PDCD7: variants seen among roughly 807,000 people sequenced by gnomAD.
The protein encoded by PDCD7 is programmed cell death protein 7.
Under a neutral mutation model 42.1 loss-of-function variants are expected in PDCD7, and 40 were observed. The ratio of observed to expected loss-of-function variants is 0.95; its 90% CI spans 0.74 to 1.24. The LOEUF (loss-of-function observed/expected upper bound fraction) is 1.24, where lower values mean the gene tolerates loss of function less well. PDCD7 is among the 50% of genes most tolerant of loss of function. The probability of loss-of-function intolerance (pLI) is 0.00; values close to 1 mark genes in which losing one functional copy is unlikely to be tolerated. For missense variants in PDCD7, 644 were observed against 662.8 expected, an observed-to-expected ratio of 0.97 and a Z score of 0.31; for synonymous variants, 299 against 303.3, an observed-to-expected ratio of 0.99 and a Z score of 0.15.
chr15:65,126,866 CTTAAA>C (rs1054836367), intron 2 of PDCD7, among the ~76,000 whole-genome samples: 1 of 151,668 alleles, frequency 6.6e-6, no homozygotes, highest in Non-Finnish European at 1.5e-5. Flanking sequence ...CTCTGAGTTC[CTTAAA>C]TTATTTATTT....
rs540438610 is a variant in PDCD7, at chr15:65,130,144, C to T, written c.871-974G>A. 7.9e-4 allele frequency among the ~76,000 whole-genome samples: 118 copies of T among 149,732 alleles called. 2 individuals are homozygous for T. The East Asian group carries it at 0.017, about 22-fold the overall frequency. On this transcript the variant is annotated intron_variant, in intron 1 of 4. Transcript: ENST00000204549. ...CAGGAGTGAGCCACTTCGCACCCGCCCCCAACCCTCTTTTTTTTTTTTTTT... is the reference window on the plus strand; with the variant it reads ...CAGGAGTGAGCCACTTCGCACCCGCTCCCAACCCTCTTTTTTTTTTTTTTT...
Position 65,118,635 on chromosome 15 carries a change from G to A in PDCD7, c.*82C>T. 2 of 1,400,980 alleles carry A rather than the reference G, an allele frequency of 1.4e-6. No homozygotes were observed. The highest frequency in any genetic ancestry group is 1.9e-6 in the Non-Finnish European group (2 of 1,044,980). The allele number at this position is 1,400,980 out of a possible 1,614,324, so 86.8% of individuals were successfully genotyped here. A position where few individuals can be genotyped will look rare whatever the true frequency, so the allele number is the denominator to read the frequency against. On this transcript the variant is annotated 3_prime_UTR_variant, in exon 5 of 5. Transcript: ENST00000204549. The stretch of plus-strand genomic sequence containing the variant: ...CATGGAATTTAGAAGTTGCAGTTTA[G>A]TCTACAGCAAAAGATGGCACCATCG...
In PDCD7 at chr15:65,133,465, C is replaced by G; in HGVS notation, c.317G>C (p.Arg106Pro). 1 of 1,212,328 alleles carries G rather than the reference C, an allele frequency of 8.2e-7. No individual in the cohort carries two copies. Among genetic ancestry groups the G allele is most frequent in the Non-Finnish European group, 1.0e-6 (1 of 975,710 alleles). 75.1% of individuals were successfully genotyped at this position (1,212,328 alleles called of 1,614,324 possible). A position where few individuals can be genotyped will look rare whatever the true frequency, so the allele number is the denominator to read the frequency against. ...CGGGCCGGGAGGCGGTGGCCGCGGC[C>G]GCTCGCCGGCGTCGGTCCCCGGGAA... is the stretch of plus-strand genomic sequence containing the variant. ...RPFPGTDAGE[R>P]PRPPPPGPGP... The change falls in exon 1 of 5, where the codon CGG (arginine) becomes CCG (proline). Residue 106 changes from arginine to proline, a missense_variant. Physicochemically the swap from Arg to Pro is moderately radical, Grantham distance 103. Coordinates refer to ENST00000204549, the MANE Select transcript of PDCD7 (RefSeq NM_005707.2).
chr15:65,120,934 T>C (rs977358140), intron 2 of PDCD7, among the ~76,000 whole-genome samples: 6 of 152,158 alleles, frequency 3.9e-5, no homozygotes, highest in Admixed American at 2.6e-4. Context: ...TTAGAAATTT[T>C]ACCCAATCTT....
At chr15:65,127,434 GGC>G (rs2087505516) in intron 2 of PDCD7, among the ~76,000 whole-genome samples, 1 of 149,634 alleles carries the variant, frequency 6.7e-6, no homozygotes, top group Non-Finnish European at 1.5e-5. Context: ...TCCGCAGTCC[GGC>G]CTGGGCGACA....
chr15:65,128,379 G>T (rs538437707), intron 2 of PDCD7, among the ~76,000 whole-genome samples: 2 of 152,326 alleles, frequency 1.3e-5, no homozygotes, highest in East Asian at 3.9e-4. Context: ...CCCTCCAGAT[G>T]AACAGAATGA....
At position 65,129,174 on chromosome 15, in the gene PDCD7, G is replaced by T; in HGVS notation, c.871-4C>A. 1 of 1,613,512 alleles carries T rather than the reference G, an allele frequency of 6.2e-7. No homozygotes were observed. On this transcript the variant is annotated splice_region_variant and splice_polypyrimidine_tract_variant and intron_variant, in intron 1 of 4. Transcript: ENST00000204549. ...CGGCTGCTTTGAGTTCCTGCTCCTG[G>T]AAGAGAAACAAAGCCCATGAGACCT...
At chr15:65,119,314 A>T in intron 4 of PDCD7, 62 bp downstream of exon 4, 1 of 1,093,544 alleles carries the variant, frequency 9.1e-7, no homozygotes, top group Non-Finnish European at 1.4e-6. Flanking sequence ...CAATGTAAGC[A>T]CTTCTTCAAG....
Position 65,118,803 on chromosome 15 carries a change from G to A in PDCD7, c.1372C>T (p.Pro458Ser), listed in dbSNP as rs371079019. The A allele has an allele frequency of 4.3e-5, 69 of 1,610,612 alleles. No homozygotes were observed. The South Asian group carries it at 7.0e-4, about 16-fold the overall frequency. Residue 458 changes from proline to serine, a missense_variant, in exon 5 of 5, where the codon CCC becomes TCC. By Grantham distance (74) the Pro-to-Ser change is moderately conservative. Transcript: ENST00000204549. Reference sequence around the variant, plus strand: ...CCTTGGGGAACGAAGTTGCCTTTGGGATGATCGGATGGCACCAGGTACTGA... The same window carrying A: ...CCTTGGGGAACGAAGTTGCCTTTGGAATGATCGGATGGCACCAGGTACTGA... ...WDQYLVPSDHPKGNFVPQGWV... is the reference protein window; with the variant it reads ...WDQYLVPSDHSKGNFVPQGWV...
At position 65,119,939 on chromosome 15, in the gene PDCD7, G is replaced by A. The variant is rs1287689565; in HGVS notation, c.1025C>T (p.Ala342Val). The A allele has an allele frequency of 1.9e-6, 3 of 1,612,798 alleles. No homozygotes were observed. The change falls in exon 3 of 5, where the codon GCC becomes GTC. Residue 342 changes from alanine to valine, a missense_variant. Transcript: ENST00000204549. ...AAARKGVCPP[A>V]SADETFTHHL... Reference sequence around the variant, plus strand: ...ATGCGTAAAAGTCTCATCTGCTGAGGCTGGAGGACAGACCCCTGGGCAGAC... The same window carrying A: ...ATGCGTAAAAGTCTCATCTGCTGAGACTGGAGGACAGACCCCTGGGCAGAC...
At chr15:65,118,940 T>C in intron 4 of PDCD7, 100 bp from the exon 5 acceptor site, 3 of 752,474 alleles carry the variant, frequency 4.0e-6, no homozygotes, top group Non-Finnish European at 6.0e-6. Context: ...AAATGACTGA[T>C]ATACTAATCT....
chr15:65,128,298 G>C (rs1288207355), intron 2 of PDCD7, among the ~76,000 whole-genome samples: 2 of 152,226 alleles, frequency 1.3e-5, no homozygotes, highest in Non-Finnish European at 2.9e-5. Context: ...ATCAGGGAAG[G>C]ATGAAGGATG....
At chr15:65,125,903 G>T (rs1409353233) in intron 2 of PDCD7, among the ~76,000 whole-genome samples, 1 of 152,200 alleles carries the variant, frequency 6.6e-6, no homozygotes, top group Non-Finnish European at 1.5e-5. Flanking sequence ...GGCGGAAGGT[G>T]AAGGAGGAGC....
At position 65,118,584 on chromosome 15, in the gene PDCD7, C is replaced by CATA; in HGVS notation, c.*130_*132dup. ...GCCAGCACAGAGCACAGAAGGAAAG[C>CATA]ATAACTTCAGGGTAGGGGAATGCCA... is the stretch of plus-strand genomic sequence containing the variant. On this transcript the variant is annotated 3_prime_UTR_variant, in exon 5 of 5. Transcript: ENST00000204549. The CATA allele has an allele frequency of 1.1e-6, 1 of 903,226 alleles. No homozygotes were observed. Among genetic ancestry groups the CATA allele is most frequent in the Non-Finnish European group, 1.6e-6 (1 of 633,510 alleles). 56.0% of individuals were successfully genotyped at this position (903,226 alleles called of 1,614,324 possible).
chr15:65,132,857 G>A, intron 1 of PDCD7, 55 bp downstream of exon 1: 1 of 1,590,014 alleles, frequency 6.3e-7, no homozygotes, highest in South Asian at 1.1e-5. Context: ...GCCTCCTGCT[G>A]CTCCAGGTTC....
chr15:65,130,144 C>A (rs540438610), intron 1 of PDCD7, among the ~76,000 whole-genome samples: 1 of 149,638 alleles, frequency 6.7e-6, no homozygotes, highest in East Asian at 1.9e-4. Context: ...TCGCACCCGC[C>A]CCCAACCCTC....
intron 1 of PDCD7, among the ~76,000 whole-genome samples, chr15:65,129,688 T>C (rs752035090): frequency 1.3e-5 from 2 of 152,170 alleles, no homozygotes; most frequent in Non-Finnish European, 2.9e-5. Context: ...GTCCTACTCT[T>C]GACTTAGTTC....
Position 65,119,449 on chromosome 15 carries a change from C to G in PDCD7, c.1261G>C (p.Ala421Pro). ...LFGDPDEFPL[A>P]HLLEPFRQYY... ...TGTCGGAAAGGCTCCAAGAGGTGAG[C>G]AAGTGGGAACTCATCTGAAAGAGAA... Residue 421 changes from alanine to proline, a missense_variant, in exon 4 of 5, where the codon GCT becomes CCT. Coordinates refer to ENST00000204549, the MANE Select transcript of PDCD7 (RefSeq NM_005707.2). 2 of 1,612,752 alleles carry G rather than the reference C, an allele frequency of 1.2e-6. No homozygotes were observed. Among genetic ancestry groups the G allele is most frequent in the Non-Finnish European group, 1.7e-6 (2 of 1,178,826 alleles).
Position 65,133,280 on chromosome 15 carries a change from C to T in PDCD7, c.502G>A (p.Gly168Arg), listed in dbSNP as rs1251742836. ...GCPVPQRTHA[G>R]PSLGEVRARL... ...GCGCGCACTTCGCCAAGGCTGGGCC[C>T]GGCATGCGTGCGCTGGGGCACCGGA... The change falls in exon 1 of 5, where the codon GGG (glycine) becomes AGG (arginine). Residue 168 changes from glycine to arginine, a missense_variant. Gly to Arg is a moderately radical substitution (Grantham distance 125). Coordinates refer to ENST00000204549, the MANE Select transcript of PDCD7 (RefSeq NM_005707.2). The T allele has an allele frequency of 1.4e-5, 19 of 1,323,466 alleles. No individual in the cohort carries two copies. The highest frequency in any genetic ancestry group is 1.8e-5 in the Non-Finnish European group (19 of 1,043,332). The allele number at this position is 1,323,466 out of a possible 1,614,324, so 82.0% of individuals were successfully genotyped here. A position where few individuals can be genotyped will look rare whatever the true frequency, so the allele number is the denominator to read the frequency against.
Sources: allele counts gnomAD v4.1 joint callset (sites outside exome capture counted in the v4.1 genomes callset), GRCh38; gene constraint gnomAD v4.1.1; transcripts MANE v1.5; gene names NCBI Gene and HGNC (gene_info 2026-07-23, HGNC 2026-07-21).